Variants in JCAD observed in about 807,000 individuals in gnomAD.
JCAD encodes the protein junctional cadherin 5 associated, also known as junctional cadherin 5-associated protein.
In JCAD, 40 loss-of-function variants were observed where a neutral mutation model predicts 98.0. The ratio of observed to expected loss-of-function variants is 0.41; its 90% CI spans 0.32 to 0.53. The LOEUF is 0.53. Among genes scored for constraint, JCAD ranks in the 20% least tolerant of loss-of-function variants. JCAD has a pLI of 0.31. For synonymous variants in JCAD, 691 were observed against 682.3 expected, an observed-to-expected ratio of 1.01 and a Z score of -0.20; for missense variants, 1,705 against 1,738.1, an observed-to-expected ratio of 0.98 and a Z score of 0.34.
intron 1 of JCAD, among the ~76,000 whole-genome samples, chr10:30,056,992 A>G (rs952241855): frequency 1.3e-5 from 2 of 152,224 alleles, no homozygotes; most frequent in African/African-American, 2.4e-5. Flanking sequence ...TTAATGAGAG[A>G]GATAACCCTT....
chr10:30,064,445 C>T (rs1837750927), upstream of JCAD, among the ~76,000 whole-genome samples: 1 of 152,120 alleles, frequency 6.6e-6, no homozygotes, highest in Non-Finnish European at 1.5e-5. Flanking sequence ...TATAAATGAC[C>T]CACCTGCGGG....
chr10:30,053,465 G>GT, intron 1 of JCAD, among the ~76,000 whole-genome samples: 1 of 151,818 alleles, frequency 6.6e-6, no homozygotes, highest in Non-Finnish European at 1.5e-5. Context: ...GTAGGCTGAG[G>GT]TGGGAGGATC....
chr10:30,109,814 G>A (rs1283446539), intron 1 of JCAD, among the ~76,000 whole-genome samples: 1 of 152,074 alleles, frequency 6.6e-6, no homozygotes, highest in Non-Finnish European at 1.5e-5. Context: ...ACCTGCTGAT[G>A]TATGAACCAC....
At chr10:30,073,012 A>G (rs900950505) in intron 1 of JCAD, among the ~76,000 whole-genome samples, 2 of 152,220 alleles carry the variant, frequency 1.3e-5, no homozygotes, top group African/African-American at 4.8e-5. Flanking sequence ...TTCACTTTAC[A>G]GGGACAGGCT....
At chr10:30,115,159 G>A (rs1343036903) in intron 1 of JCAD, among the ~76,000 whole-genome samples, 2 of 152,108 alleles carry the variant, frequency 1.3e-5, no homozygotes, top group African/African-American at 2.4e-5. Flanking sequence ...AACACCCAGC[G>A]CTTTCTCCAC....
chr10:30,044,577 A>G (rs1475663160), intron 2 of JCAD, among the ~76,000 whole-genome samples: 2 of 152,138 alleles, frequency 1.3e-5, no homozygotes, highest in Non-Finnish European at 2.9e-5. Flanking sequence ...TGGAGGAGGC[A>G]GCAAGACCAC....
At chr10:30,046,149 CAG>C (rs553245375) in intron 2 of JCAD, among the ~76,000 whole-genome samples, 1 of 152,286 alleles carries the variant, frequency 6.6e-6, no homozygotes, top group East Asian at 1.9e-4. Flanking sequence ...TCTGTAGACT[CAG>C]AGCTCTTCCT....
intron 1 of JCAD, among the ~76,000 whole-genome samples, chr10:30,113,155 G>T (rs1208923943): frequency 6.6e-6 from 1 of 152,114 alleles, no homozygotes; most frequent in Non-Finnish European, 1.5e-5. Flanking sequence ...GTGGTCATGG[G>T]GTTCTCTTTG....
intron 1 of JCAD, among the ~76,000 whole-genome samples, chr10:30,080,341 T>C (rs550505937): frequency 2.6e-5 from 4 of 152,170 alleles, no homozygotes; most frequent in Non-Finnish European, 4.4e-5. Context: ...TTGAGTCAAC[T>C]TCTATCCCAC....
chr10:30,112,400 G>A lies in JCAD; in HGVS notation n.128+2967C>T, dbSNP rs988399330. Among the ~76,000 whole-genome samples the A allele has an allele frequency of 4.6e-5, 7 of 152,096 alleles. No homozygotes were observed. The East Asian group carries it at 9.7e-4, about 21-fold the overall frequency. On this transcript the variant is annotated intron_variant and non_coding_transcript_variant, in intron 1 of 2. Coordinates refer to the JCAD transcript ENST00000465712. Reference sequence around the variant, plus strand: ...AGACTGAGACAGGAAGATCGATTGAGCCTAGGAGTTCAAAGCTGCCTGCAG... The same window carrying A: ...AGACTGAGACAGGAAGATCGATTGAACCTAGGAGTTCAAAGCTGCCTGCAG...
chr10:30,064,443 A>G (rs1051981678), upstream of JCAD, among the ~76,000 whole-genome samples: 4 of 152,078 alleles, frequency 2.6e-5, no homozygotes, highest in African/African-American at 9.7e-5. Flanking sequence ...TCTATAAATG[A>G]CCCACCTGCG....
At chr10:30,059,988 G>A (rs1371634507), upstream of JCAD, among the ~76,000 whole-genome samples, 1 of 151,772 alleles carries the variant, frequency 6.6e-6, no homozygotes. This position sits in a 1 kb window ranked among gnomAD's most constrained non-coding sequence, Gnocchi z 5.0. Flanking sequence ...ACAGACAAGT[G>A]CACACACACT....
intron 1 of JCAD, among the ~76,000 whole-genome samples, chr10:30,077,430 C>T (rs1480873334): frequency 6.6e-6 from 1 of 152,146 alleles, no homozygotes; most frequent in Non-Finnish European, 1.5e-5. Flanking sequence ...GCACCTACCA[C>T]CATGCCTGAC....
intron 2 of JCAD, 53 bp downstream of exon 2, chr10:30,047,479 C>T (rs1230122648): frequency 1.6e-5 from 25 of 1,562,712 alleles, no homozygotes. Flanking sequence ...ACACATCACC[C>T]ACCGCCAAAC....
At chr10:30,021,587 A>G (rs924821287) in intron 3 of JCAD, among the ~76,000 whole-genome samples, 2 of 152,338 alleles carry the variant, frequency 1.3e-5, no homozygotes, top group South Asian at 4.1e-4. Flanking sequence ...ATATATTCAA[A>G]ATATCATTTC....
intron 1 of JCAD, among the ~76,000 whole-genome samples, chr10:30,110,379 A>ACT (rs1838669749): frequency 1.3e-5 from 2 of 151,706 alleles, no homozygotes; most frequent in Non-Finnish European, 2.9e-5. Context: ...TGATGTATAG[A>ACT]CCAGCTGATG....
chr10:30,079,101 C>T (rs925485904), intron 1 of JCAD, among the ~76,000 whole-genome samples: 1 of 152,080 alleles, frequency 6.6e-6, no homozygotes, highest in Non-Finnish European at 1.5e-5. Flanking sequence ...GTTAGTAAGT[C>T]AAGAATAGTA....
rs768243743 is a variant in JCAD at position 30,028,161 on chromosome 10, CATTT to C, written c.1983_1986del (p.Asn662ThrfsTer56). 1 of 1,614,152 alleles carries C rather than the reference CATTT, an allele frequency of 6.2e-7. No individual in the cohort carries two copies. Among genetic ancestry groups the C allele is most frequent in the Non-Finnish European group, 8.5e-7 (1 of 1,180,034 alleles). ...TTTGTAAGGTGGATGAAACTGAGGTCATTTGTTTGTCTGTCTTCTTCTGGTTCCC... is the reference window on the plus strand; with the variant it reads ...TTTGTAAGGTGGATGAAACTGAGGTCGTTTGTCTGTCTTCTTCTGGTTCCC... On this transcript the variant is annotated frameshift_variant, in exon 3 of 4. Coordinates refer to ENST00000375377, the MANE Select transcript of JCAD (RefSeq NM_020848.4). LOFTEE classifies it high-confidence loss of function.
At chr10:30,080,812 C>G (rs775791606) in intron 1 of JCAD, among the ~76,000 whole-genome samples, 1 of 152,164 alleles carries the variant, frequency 6.6e-6, no homozygotes, top group Non-Finnish European at 1.5e-5. Context: ...GGAGCTATCC[C>G]CCAGCATTAA....
Sources: gnomAD v4.1 joint callset for allele counts (sites outside exome capture counted in the v4.1 genomes callset) on GRCh38, gnomAD v4.1.1 for gene constraint, Gnocchi (gnomAD v3.1) non-coding constraint, MANE v1.5 for transcripts, NCBI Gene and HGNC (gene_info 2026-07-23, HGNC 2026-07-21) for gene names.